Variants in PDZD2 observed in about 807,000 individuals in gnomAD.
The protein encoded by PDZD2 is PDZ domain containing 2, also known as PDZ domain-containing protein 2.
In PDZD2, 90 loss-of-function variants were observed where a neutral mutation model predicts 220.7. The observed-to-expected ratio is 0.41, with a 90% CI of 0.34 to 0.49. The LOEUF is 0.49. Among genes scored for constraint, PDZD2 ranks in the 20% least tolerant of loss-of-function variants. The pLI, the probability that PDZD2 is intolerant of heterozygous loss-of-function variation, is 0.28. For synonymous variants in PDZD2, 1,375 were observed against 1,450.5 expected (o/e 0.95, Z 1.18); for missense variants, 3,174 against 3,608.5 (o/e 0.88, Z 3.08).
intron 19 of PDZD2, among the ~76,000 whole-genome samples, chr5:32,081,450 C>T (rs964058761): frequency 2.0e-5 from 3 of 152,200 alleles, no homozygotes; most frequent in Non-Finnish European, 4.4e-5. Flanking sequence ...TAAGGGTCCT[C>T]GTCAGGATTG....
intron 8 of PDZD2, among the ~76,000 whole-genome samples, chr5:32,051,813 G>A (rs2112303169): frequency 6.6e-6 from 1 of 152,310 alleles, no homozygotes; most frequent in East Asian, 1.9e-4. Context: ...GTTTTATGTG[G>A]AATAACAGTT....
intron 1 of PDZD2, among the ~76,000 whole-genome samples, chr5:31,649,268 G>T (rs879709733): frequency 6.6e-6 from 1 of 151,898 alleles, no homozygotes; most frequent in Non-Finnish European, 1.5e-5. Context: ...CAGGCTCCTT[G>T]CCCCAGTCCA....
chr5:31,824,276 C>G (rs1426283889), intron 2 of PDZD2, among the ~76,000 whole-genome samples: 1 of 152,154 alleles, frequency 6.6e-6, no homozygotes, highest in Non-Finnish European at 1.5e-5. Flanking sequence ...ACCTACAGAA[C>G]CGTGAGCTAA....
Position 32,098,491 on chromosome 5 carries a change from A to G in PDZD2, c.8075A>G (p.His2692Arg). ...CACGGGAATGTCCTGAAGGTTCTGC[A>G]CCAGGCACAGCTGCACAAAGATGCC... is the stretch of plus-strand genomic sequence containing the variant. ...LAHGNVLKVL[H>R]QAQLHKDALV... Residue 2692 changes from histidine to arginine, a missense_variant, in exon 23 of 25, where the codon CAC becomes CGC. By Grantham distance (29) the His-to-Arg change is conservative. Around this residue, in one of 4 missense-constraint regions of PDZD2, gnomAD observed 631 missense variants for 789.9 expected, o/e 0.80. Coordinates refer to ENST00000438447, the MANE Select transcript of PDZD2 (RefSeq NM_178140.4). This position sits in a 1 kb window ranked among gnomAD's most constrained non-coding sequence, Gnocchi z 4.1. 6.2e-7 allele frequency: 1 copy of G among 1,614,132 alleles called. No homozygotes were observed. The highest frequency in any genetic ancestry group is 8.5e-7 in the Non-Finnish European group (1 of 1,180,028).
At chr5:31,863,726 T>C (rs945555245) in intron 2 of PDZD2, among the ~76,000 whole-genome samples, 15 of 152,184 alleles carry the variant, frequency 9.9e-5, no homozygotes, top group Admixed American at 2.0e-4. Flanking sequence ...TCTGTAAGTA[T>C]ACCATTCCTT....
rs1581460316 is a variant in PDZD2 at position 32,087,348 on chromosome 5, T to C, written c.3900T>C (p.Pro1300=). 7 of 1,613,968 alleles carry C rather than the reference T, an allele frequency of 4.3e-6. No homozygotes were observed. Among genetic ancestry groups the C allele is most frequent in the African/African-American group, 1.3e-5 (1 of 74,938 alleles). ...CGGGGGAGAAAGCAGCGGCTCCCCCTGACTACAGCAAGACTCGATCAGCAT... is the reference window on the plus strand; with the variant it reads ...CGGGGGAGAAAGCAGCGGCTCCCCCCGACTACAGCAAGACTCGATCAGCAT... The part of the protein sequence containing the change: ...PSPGEKAAAP[P]DYSKTRSASE... The change falls in exon 20 of 25, where the codon CCT becomes CCC. Residue 1300 remains proline (P), a synonymous_variant. Transcript: ENST00000438447. This position sits in a 1 kb window ranked among gnomAD's most constrained non-coding sequence, Gnocchi z 4.0.
chr5:31,904,784 T>C (rs1742479531), intron 2 of PDZD2, among the ~76,000 whole-genome samples: 2 of 152,060 alleles, frequency 1.3e-5, no homozygotes, highest in South Asian at 4.2e-4. Flanking sequence ...ATGGTGAATA[T>C]TATTGGAAAG....
At chr5:31,928,996 G>T (rs1460146367) in intron 2 of PDZD2, among the ~76,000 whole-genome samples, 4 of 152,022 alleles carry the variant, frequency 2.6e-5, no homozygotes, top group African/African-American at 9.7e-5. Flanking sequence ...TCTGAAAGGA[G>T]ATTTAAGAGG....
chr5:31,657,840 C>T (rs1745607770), intron 1 of PDZD2, among the ~76,000 whole-genome samples: 2 of 152,148 alleles, frequency 1.3e-5, no homozygotes, highest in Non-Finnish European at 2.9e-5. Context: ...CCCGGCAACA[C>T]CCGCAAAGGA....
chr5:31,836,261 C>G (rs1360089829), intron 2 of PDZD2, among the ~76,000 whole-genome samples: 2 of 115,162 alleles, frequency 1.7e-5, no homozygotes, highest in African/African-American at 6.7e-5. Flanking sequence ...GAGTCTTGAT[C>G]TGTGGCCCAG....
chr5:31,927,713 TGC>T (rs1310673012), intron 2 of PDZD2, among the ~76,000 whole-genome samples: 1 of 152,130 alleles, frequency 6.6e-6, no homozygotes, highest in Admixed American at 6.6e-5. Flanking sequence ...AGACTCTCCT[TGC>T]CCGAAGTGAC....
At chr5:31,998,608 A>G (rs1751840288) in intron 4 of PDZD2, among the ~76,000 whole-genome samples, 2 of 152,208 alleles carry the variant, frequency 1.3e-5, no homozygotes, top group South Asian at 4.1e-4. Context: ...GCAGCACCCT[A>G]GGTGCTGATG....
At chr5:31,884,260 C>CATAT (rs1740223188) in intron 2 of PDZD2, among the ~76,000 whole-genome samples, 1 of 151,130 alleles carries the variant, frequency 6.6e-6, no homozygotes, top group East Asian at 1.9e-4. Flanking sequence ...TACATACATA[C>CATAT]ATCCTGGGTT....
intron 2 of PDZD2, among the ~76,000 whole-genome samples, chr5:31,804,374 A>G (rs939736151): frequency 1.3e-5 from 2 of 152,214 alleles, no homozygotes; most frequent in Non-Finnish European, 2.9e-5. Context: ...ATAACAATCA[A>G]GGAGTTAACA....
chr5:31,722,845 C>T (rs1482083644), intron 1 of PDZD2, among the ~76,000 whole-genome samples: 14 of 152,158 alleles, frequency 9.2e-5, no homozygotes, highest in Non-Finnish European at 1.9e-4. Context: ...CCCACCACCA[C>T]ACCTGGCTAA....
At chr5:31,676,704 A>G (rs1287596619) in intron 1 of PDZD2, among the ~76,000 whole-genome samples, 1 of 151,068 alleles carries the variant, frequency 6.6e-6, no homozygotes, top group Admixed American at 6.6e-5. Context: ...ACAGGCATCC[A>G]CCACCACGCC....
chr5:31,815,245 C>CAAAAAAAAAAAAAAAAAA (rs59040987), intron 2 of PDZD2, among the ~76,000 whole-genome samples: 12 of 57,938 alleles, frequency 2.1e-4, no homozygotes, highest in African/African-American at 8.1e-4. Context: ...AACTCTGTCT[C>CAAAAAAAAAAAAAAAAAA]AAAAAAAAAA....
rs1742535555 is a variant in PDZD2 at position 32,087,066 on chromosome 5, T to C, written c.3683-65T>C. The C allele has an allele frequency of 4.9e-6, 4 of 819,220 alleles. No homozygotes were observed. The highest frequency in any genetic ancestry group is 7.9e-6 in the Non-Finnish European group (4 of 503,898). 50.7% of individuals were successfully genotyped at this position (819,220 alleles called of 1,614,324 possible). A position where few individuals can be genotyped will look rare whatever the true frequency, so the allele number is the denominator to read the frequency against. ...TAATTGAGGGGCTGCTTTCTTATAT[T>C]ATCCCTTTTATCTCCCCTACAACCT... On this transcript the variant is annotated intron_variant, in intron 19 of 24. Transcript: ENST00000438447. The surrounding 1 kb of genome is among the most constrained non-coding windows in gnomAD (Gnocchi z 4.0).
In PDZD2 at chr5:32,087,990, T is replaced by C. The variant is rs753730756; in HGVS notation, c.4542T>C (p.Thr1514=). ...LDSINPDKHF[T]VNKNFLSNYS... ...CAATTAATCCCGACAAACATTTTAC[T>C]GTGAACAAAAACTTTCTGAGCAACT... The change falls in exon 20 of 25, where the codon ACT becomes ACC. Residue 1514 remains threonine, a synonymous_variant. Coordinates refer to ENST00000438447, the MANE Select transcript of PDZD2 (RefSeq NM_178140.4). This position sits in a 1 kb window ranked among gnomAD's most constrained non-coding sequence, Gnocchi z 4.0. The C allele has an allele frequency of 5.0e-6, 8 of 1,614,202 alleles. No individual in the cohort carries two copies. Among genetic ancestry groups the C allele is most frequent in the Admixed American group, 1.7e-5 (1 of 60,030 alleles).
Sources: gnomAD v4.1 joint callset for allele counts (sites outside exome capture counted in the v4.1 genomes callset) on GRCh38, gnomAD v4.1.1 for gene constraint, gnomAD v4.1.1 regional missense constraint, Gnocchi (gnomAD v3.1) non-coding constraint, MANE v1.5 for transcripts, NCBI Gene and HGNC (gene_info 2026-07-23, HGNC 2026-07-21) for gene names.